Variants in IRF2 observed in about 807,000 individuals in gnomAD.
The protein encoded by IRF2 is interferon regulatory factor 2.
IRF2 carries 15 observed loss-of-function variants against 40.6 expected under a neutral mutation model. The observed-to-expected ratio is 0.37, with a 90% CI of 0.25 to 0.57. The LOEUF (loss-of-function observed/expected upper bound fraction) is 0.57, where lower values mean the gene tolerates loss of function less well. Among genes scored for constraint, IRF2 ranks in the 20% least tolerant of loss-of-function variants. IRF2 has a pLI of 0.77. For missense variants in IRF2, 317 were observed against 455.7 expected, an observed-to-expected ratio of 0.70 and a Z score of 2.77; for synonymous variants, 151 against 165.5, an observed-to-expected ratio of 0.91 and a Z score of 0.67.
chr4:184,398,363 A>C (rs1736539994), intron 7 of IRF2, among the ~76,000 whole-genome samples: 1 of 152,110 alleles, frequency 6.6e-6, no homozygotes, highest in Non-Finnish European at 1.5e-5. Flanking sequence ...CATATATAAA[A>C]ATGTTATGGG....
intron 1 of IRF2, among the ~76,000 whole-genome samples, chr4:184,465,166 C>A (rs1296950431): frequency 6.8e-6 from 1 of 146,110 alleles, no homozygotes; most frequent in Non-Finnish European, 1.5e-5. Context: ...TATGTCCCAA[C>A]CTCACCAAAA....
At chr4:184,459,434 A>G (rs1010745219) in intron 1 of IRF2, among the ~76,000 whole-genome samples, 1 of 152,228 alleles carries the variant, frequency 6.6e-6, no homozygotes, top group Non-Finnish European at 1.5e-5. Flanking sequence ...CAATTCCAGC[A>G]TGGTGCGAGA....
At chr4:184,424,570 C>T (rs1018321846) in intron 2 of IRF2, among the ~76,000 whole-genome samples, 3 of 152,144 alleles carry the variant, frequency 2.0e-5, no homozygotes, top group Admixed American at 6.5e-5. Context: ...ATGCTCTTTC[C>T]CCGCACCGGG....
intron 1 of IRF2, among the ~76,000 whole-genome samples, chr4:184,473,352 G>A (rs1739591000): frequency 6.7e-6 from 1 of 148,486 alleles, no homozygotes; most frequent in Non-Finnish European, 1.5e-5. Context: ...CCGTAGCCGA[G>A]GCGGGTCAGG....
At chr4:184,458,284 G>A (rs972319128) in intron 1 of IRF2, among the ~76,000 whole-genome samples, 10 of 152,162 alleles carry the variant, frequency 6.6e-5, no homozygotes, top group African/African-American at 2.4e-4. Flanking sequence ...GTGCTTCCAT[G>A]AAGCCCATCT....
chr4:184,426,635 C>T (rs1343841322), intron 2 of IRF2, among the ~76,000 whole-genome samples: 1 of 152,220 alleles, frequency 6.6e-6, no homozygotes, highest in Non-Finnish European at 1.5e-5. Context: ...CCATCTACTA[C>T]AGCACCAAGA....
At chr4:184,389,113 G>T in intron 8 of IRF2, 47 bp from the exon 9 acceptor site, 1 of 1,585,408 alleles carries the variant, frequency 6.3e-7, no homozygotes, top group Non-Finnish European at 8.7e-7. Flanking sequence ...CCTTCTATTG[G>T]ATGGCTTTTT....
intron 1 of IRF2, among the ~76,000 whole-genome samples, chr4:184,435,986 T>TC (rs1738061779): frequency 6.7e-6 from 1 of 149,920 alleles, no homozygotes; most frequent in South Asian, 2.1e-4. Flanking sequence ...TCTTTTTTCT[T>TC]TTTTTTTTTG....
chr4:184,471,362 T>C (rs993559017), intron 1 of IRF2, among the ~76,000 whole-genome samples: 1 of 152,236 alleles, frequency 6.6e-6, no homozygotes, highest in Non-Finnish European at 1.5e-5. Flanking sequence ...ATGCTGTCTT[T>C]CTCGCTGTCA....
At chr4:184,450,181 C>T (rs918521471) in intron 1 of IRF2, among the ~76,000 whole-genome samples, 2 of 152,208 alleles carry the variant, frequency 1.3e-5, no homozygotes, top group Non-Finnish European at 2.9e-5. Context: ...CAGTGAAACA[C>T]GAACATTCAC....
chr4:184,441,917 G>A (rs1273535724), intron 1 of IRF2, among the ~76,000 whole-genome samples: 1 of 152,146 alleles, frequency 6.6e-6, no homozygotes, highest in Non-Finnish European at 1.5e-5. Context: ...TGGAGTCTTA[G>A]GCCCTGACTT....
At chr4:184,427,754 T>TA (rs1451580853) in intron 2 of IRF2, among the ~76,000 whole-genome samples, 5 of 152,092 alleles carry the variant, frequency 3.3e-5, no homozygotes, top group Non-Finnish European at 7.4e-5. Context: ...TGATATTAGT[T>TA]AAAAAAAATT....
chr4:184,407,368 C>T (rs1353846656), intron 6 of IRF2: 3 of 578,172 alleles, frequency 5.2e-6, no homozygotes, highest in Non-Finnish European at 7.9e-6. Context: ...GGGCACTATT[C>T]CTGTGCATCT....
At chr4:184,465,671 C>T (rs1739292593) in intron 1 of IRF2, among the ~76,000 whole-genome samples, 1 of 152,152 alleles carries the variant, frequency 6.6e-6, no homozygotes, top group Admixed American at 6.5e-5. Flanking sequence ...AAACGCTGCT[C>T]GAAAACACGA....
intron 1 of IRF2, among the ~76,000 whole-genome samples, chr4:184,461,749 A>G (rs1739156460): frequency 6.6e-6 from 1 of 151,266 alleles, no homozygotes; most frequent in Non-Finnish European, 1.5e-5. Context: ...CAAGAAAAAC[A>G]AAAATCGCAA....
chr4:184,473,198 G>A (rs1490874925), intron 1 of IRF2, among the ~76,000 whole-genome samples: 3 of 151,464 alleles, frequency 2.0e-5, no homozygotes, highest in African/African-American at 7.3e-5. Flanking sequence ...AATGTCACCC[G>A]GCGCCCGGAG....
chr4:184,455,243 T>TCCCCCC (rs1561125225), intron 1 of IRF2, among the ~76,000 whole-genome samples: 1 of 56,706 alleles, frequency 1.8e-5, no homozygotes, highest in Non-Finnish European at 3.6e-5. Context: ...TTCTTCTTCC[T>TCCCCCC]CCCCTCCCCT....
At chr4:184,458,790 A>C (rs1452980963) in intron 1 of IRF2, among the ~76,000 whole-genome samples, 1 of 152,254 alleles carries the variant, frequency 6.6e-6, no homozygotes, top group Non-Finnish European at 1.5e-5. Context: ...TCCGCAGGAC[A>C]TAAAACTAAA....
At chr4:184,438,285 G>C (rs1384365573) in intron 1 of IRF2, among the ~76,000 whole-genome samples, 2 of 152,166 alleles carry the variant, frequency 1.3e-5, no homozygotes, top group Non-Finnish European at 2.9e-5. Flanking sequence ...GAATATGCCA[G>C]AAACCTCTAG....
Sources: allele counts gnomAD v4.1 joint callset (sites outside exome capture counted in the v4.1 genomes callset), GRCh38; gene constraint gnomAD v4.1.1; transcripts MANE v1.5; gene names NCBI Gene and HGNC (gene_info 2026-07-23, HGNC 2026-07-21).